Variants in ZC3H11A observed in about 807,000 individuals in gnomAD.
The protein encoded by ZC3H11A is zinc finger CCCH-type containing 11A.
In ZC3H11A, 22 loss-of-function variants were observed where a neutral mutation model predicts 90.8. The observed-to-expected ratio is 0.24, with a 90% CI of 0.17 to 0.35. The LOEUF is 0.35. Among genes scored for constraint, ZC3H11A ranks in the 10% least tolerant of loss-of-function variants. ZC3H11A has a pLI of 1.00. For synonymous variants in ZC3H11A, 294 were observed against 339.8 expected (o/e 0.87, Z 1.48); for missense variants, 701 against 964.9 (o/e 0.73, Z 3.62).
In ZC3H11A at chr1:203,796,359, C is replaced by T. The variant is rs563122279; in HGVS notation, c.-1588+565C>T. The T allele has an allele frequency of 2.1e-3, 841 of 398,890 alleles. 4 individuals are homozygous for T. The highest frequency in any genetic ancestry group is 3.3e-3 in the Non-Finnish European group (748 of 226,052). The allele number at this position is 398,890 out of a possible 1,614,324, so 24.7% of individuals were successfully genotyped here. On this transcript the variant is annotated intron_variant, in intron 1 of 17. Coordinates refer to ENST00000367210, the MANE Select transcript of ZC3H11A (RefSeq NM_001376342.1). ...AAAGCCACCGACCTTATTCCGGTAT[C>T]CTACACCCATTCCCCACTCTCATTA...
At chr1:203,810,786 A>C (rs1271960289) in intron 2 of ZC3H11A, among the ~76,000 whole-genome samples, 2 of 151,990 alleles carry the variant, frequency 1.3e-5, no homozygotes, top group Admixed American at 1.3e-4. Context: ...TCTACTCAGG[A>C]TTCCATTTCT....
intron 1 of ZC3H11A, chr1:203,799,965 T>C: frequency 6.5e-7 from 1 of 1,536,134 alleles, no homozygotes; most frequent in Non-Finnish European, 8.7e-7. Context: ...AATTCCAACT[T>C]CAGAAGCTTC....
intron 12 of ZC3H11A, 140 bp downstream of exon 12, chr1:203,840,514 A>G: frequency 2.6e-6 from 2 of 771,222 alleles, no homozygotes; most frequent in South Asian, 2.0e-5. Context: ...TAAGTAATTG[A>G]TCAAGTCAGC....
At chr1:203,797,895 C>G in intron 1 of ZC3H11A, 1 of 1,536,126 alleles carries the variant, frequency 6.5e-7, no homozygotes, top group Non-Finnish European at 8.7e-7. Flanking sequence ...ACAGATCTAT[C>G]TACCTAGTAC....
rs1017416341 is a variant in ZC3H11A, at chr1:203,850,360, C to A, written c.1940-155C>A. On this transcript the variant is annotated intron_variant, in intron 15 of 17. Transcript: ENST00000367210. ...ACCACCTGTAGTGACCACCATGTGA[C>A]CACAAATTGCCTTTGAATCGTTTTC... 5 of 1,129,750 alleles carry A rather than the reference C, an allele frequency of 4.4e-6. No individual in the cohort carries two copies. In the African/African-American group the frequency reaches 4.6e-5, roughly 10 times the overall value. The allele number at this position is 1,129,750 out of a possible 1,614,324, so 70.0% of individuals were successfully genotyped here.
intron 2 of ZC3H11A, chr1:203,805,997 C>A: frequency 1.8e-6 from 1 of 569,654 alleles, no homozygotes; most frequent in South Asian, 1.5e-5. Flanking sequence ...GTGTAATTAA[C>A]TTGTTTCATG....
At chr1:203,808,988 G>A (rs1409693469) in intron 2 of ZC3H11A, among the ~76,000 whole-genome samples, 1 of 151,402 alleles carries the variant, frequency 6.6e-6, no homozygotes, top group Non-Finnish European at 1.5e-5. Context: ...TCGCCACCAC[G>A]CCCAGCTAAT....
At chr1:203,813,971 GTT>G (rs34130261) in intron 2 of ZC3H11A, among the ~76,000 whole-genome samples, 42 of 146,078 alleles carry the variant, frequency 2.9e-4, no homozygotes, top group South Asian at 6.6e-4. Context: ...ATACATTCTT[GTT>G]TTTTTTTTTT....
chr1:203,844,959 CAGG>C (rs1199092351), intron 12 of ZC3H11A, among the ~76,000 whole-genome samples: 4 of 152,032 alleles, frequency 2.6e-5, no homozygotes, highest in South Asian at 4.2e-4. Context: ...GAGCAGTTCT[CAGG>C]AGGAGGTCAT....
At chr1:203,842,417 C>T (rs570163308) in intron 12 of ZC3H11A, among the ~76,000 whole-genome samples, 15 of 152,228 alleles carry the variant, frequency 9.9e-5, no homozygotes, top group African/African-American at 3.1e-4. Flanking sequence ...GCCAACACGG[C>T]GAAACCCCGT....
At chr1:203,818,160 GCAGTGGAGCA>G (rs1188144558) in intron 3 of ZC3H11A, among the ~76,000 whole-genome samples, 1 of 152,068 alleles carries the variant, frequency 6.6e-6, no homozygotes, top group Non-Finnish European at 1.5e-5. Context: ...CATAAAGTAT[GCAGTGGAGCA>G]CAGTTATATT....
chr1:203,818,832 G>A, intron 4 of ZC3H11A, 143 bp downstream of exon 4: 3 of 1,291,592 alleles, frequency 2.3e-6, no homozygotes, highest in Non-Finnish European at 3.1e-6. Flanking sequence ...CACTTTGGGA[G>A]GCTGAGGCGG....
chr1:203,800,245 GC>G, intron 1 of ZC3H11A: 1 of 1,205,858 alleles, frequency 8.3e-7, no homozygotes, highest in Non-Finnish European at 1.2e-6. Flanking sequence ...TATCTAAGTT[GC>G]CCCATGTGTA....
rs759058419 is a variant in ZC3H11A, at chr1:203,851,120, G to A, written c.2170G>A (p.Asp724Asn). The A allele has an allele frequency of 6.2e-7, 1 of 1,614,130 alleles. No individual in the cohort carries two copies. Among genetic ancestry groups the A allele is most frequent in the Non-Finnish European group, 8.5e-7 (1 of 1,180,016 alleles). Residue 724 changes from aspartate to asparagine, a missense_variant, in exon 17 of 18, where the codon GAC (aspartate) becomes AAC (asparagine). By Grantham distance (23) the Asp-to-Asn change is conservative (BLOSUM62 1). Around this residue, in one of 4 missense-constraint regions of ZC3H11A, gnomAD observed 91 missense variants for 86.8 expected, o/e 1.05. Coordinates refer to ENST00000367210, the MANE Select transcript of ZC3H11A (RefSeq NM_001376342.1). ...VTVPEAENPR[D>N]SLVLPPTQSS... The stretch of plus-strand genomic sequence containing the variant: ...TGTGCCTGAAGCAGAAAATCCTAGA[G>A]ACAGGTAATACTTTGTAATTCTTTC...
At chr1:203,848,192 T>G in intron 13 of ZC3H11A, 139 bp from the exon 14 acceptor site, 1 of 728,408 alleles carries the variant, frequency 1.4e-6, no homozygotes, top group Non-Finnish European at 2.3e-6. Flanking sequence ...TTTGAGACTT[T>G]AGGAGCACAG....
chr1:203,849,996 G>A lies in ZC3H11A; in HGVS notation c.1909G>A (p.Ala637Thr), dbSNP rs1688873162. 6.2e-7 allele frequency: 1 copy of A among 1,613,842 alleles called. No individual in the cohort carries two copies. Among genetic ancestry groups the A allele is most frequent in the Non-Finnish European group, 8.5e-7 (1 of 1,180,022 alleles). ...IGDSLLNVKC[A>T]AQTLEKRGKA... is the part of the protein sequence containing the mutation. ...AGACTCATTATTGAATGTGAAATGT[G>A]CAGCACAGACCTTGGAAAAAAGGGG... Residue 637 changes from alanine to threonine, a missense_variant, in exon 15 of 18, where the codon GCA becomes ACA. By Grantham distance (58) the Ala-to-Thr change is moderately conservative. Transcript: ENST00000367210.
intron 9 of ZC3H11A, among the ~76,000 whole-genome samples, chr1:203,833,108 G>A (rs942430988): frequency 5.9e-5 from 9 of 151,688 alleles, no homozygotes; most frequent in South Asian, 2.1e-4. Context: ...GGTGGCTCAC[G>A]CCTGTAATCC....
intron 2 of ZC3H11A, chr1:203,806,182 GC>G: frequency 2.1e-6 from 1 of 477,682 alleles, no homozygotes; most frequent in Non-Finnish European, 4.2e-6. Context: ...AGTGGATTCT[GC>G]CCTGCTGTCC....
At chr1:203,841,140 ATCTT>A (rs1347903323) in intron 12 of ZC3H11A, among the ~76,000 whole-genome samples, 1 of 147,538 alleles carries the variant, frequency 6.8e-6, no homozygotes, top group Non-Finnish European at 1.5e-5. Context: ...CAACATAAGA[ATCTT>A]TTTTTTTTTT....
Sources: allele counts gnomAD v4.1 joint callset (sites outside exome capture counted in the v4.1 genomes callset), GRCh38; gene constraint gnomAD v4.1.1; regional missense constraint gnomAD v4.1.1; transcripts MANE v1.5; gene names NCBI Gene and HGNC (gene_info 2026-07-23, HGNC 2026-07-21).